Variants in TSPAN9 observed in about 807,000 individuals in gnomAD.
The protein encoded by TSPAN9 is tetraspanin 9.
A neutral mutation model predicts 31.0 loss-of-function variants in TSPAN9; 16 were observed. The observed-to-expected ratio is 0.52, with a 90% confidence interval of 0.35 to 0.78. The LOEUF is 0.78. Among genes scored for constraint, TSPAN9 ranks in the 30% least tolerant of loss-of-function variants. The pLI is 0.01. For synonymous variants in TSPAN9, 145 were observed against 121.6 expected, an observed-to-expected ratio of 1.19 and a Z score of -1.27; for missense variants, 272 against 312.5, an observed-to-expected ratio of 0.87 and a Z score of 0.98.
chr12:3,132,678 G>A (rs1470629100), intron 2 of TSPAN9, among the ~76,000 whole-genome samples: 1 of 152,182 alleles, frequency 6.6e-6, no homozygotes, highest in Non-Finnish European at 1.5e-5. Context: ...GCTAGGTTGG[G>A]CGAAGCCTGG....
chr12:3,226,764 A>T (rs1339481298), intron 3 of TSPAN9, among the ~76,000 whole-genome samples: 15 of 1,470 alleles, frequency 0.01, no homozygotes, highest in South Asian at 0.038. Context: ...ATATATATAT[A>T]TATATATATA....
chr12:3,226,761 TATATATATATATATATATATATATA>T (rs1565622477), intron 3 of TSPAN9, among the ~76,000 whole-genome samples: 49 of 1,780 alleles, frequency 0.028, 11 homozygotes, highest in Non-Finnish European at 0.051. Flanking sequence ...TATATATATA[TATATATATATATATATATATATATA>T]TATATATATT....
intron 3 of TSPAN9, among the ~76,000 whole-genome samples, chr12:3,240,737 A>G (rs2098396162): frequency 6.6e-6 from 1 of 152,174 alleles, no homozygotes; most frequent in Non-Finnish European, 1.5e-5. Context: ...GTTAAATACG[A>G]GCATAATATG....
At chr12:3,281,962 G>A (rs570766959) in intron 8 of TSPAN9, 145 bp downstream of exon 8, 2 of 922,954 alleles carry the variant, frequency 2.2e-6, no homozygotes, top group Admixed American at 2.0e-5. Context: ...AGCTGTGCCT[G>A]CCACCGTTTC....
chr12:3,246,960 G>A (rs1862143734), intron 3 of TSPAN9, among the ~76,000 whole-genome samples: 1 of 152,138 alleles, frequency 6.6e-6, no homozygotes, highest in Admixed American at 6.5e-5. Context: ...TAGATTTTCT[G>A]CAATGTGCTT....
chr12:3,230,806 G>A (rs759653986), intron 3 of TSPAN9, among the ~76,000 whole-genome samples: 8 of 152,198 alleles, frequency 5.3e-5, no homozygotes, highest in East Asian at 3.9e-4. Flanking sequence ...CAGTTCCCCC[G>A]AGGAGATATC....
intron 2 of TSPAN9, among the ~76,000 whole-genome samples, chr12:3,175,010 G>A (rs1398495188): frequency 7.9e-5 from 12 of 152,188 alleles, no homozygotes; most frequent in Admixed American, 7.2e-4. Context: ...CTGAGGAGGT[G>A]GCCAGGTGAA....
At chr12:3,216,662 T>C (rs374429140) in intron 3 of TSPAN9, among the ~76,000 whole-genome samples, 4 of 152,350 alleles carry the variant, frequency 2.6e-5, no homozygotes, top group East Asian at 1.9e-4. Context: ...CTAATGGGCC[T>C]GGAAGCCCGT....
Position 3,280,276 on chromosome 12 carries a change from C to T in TSPAN9, c.331-106C>T, listed in dbSNP as rs1019194862. 3.0e-6 allele frequency: 3 copies of T among 1,015,936 alleles called. No individual in the cohort carries two copies. Among genetic ancestry groups the T allele is most frequent in the African/African-American group, 3.2e-5 (2 of 63,168 alleles). The allele number at this position is 1,015,936 out of a possible 1,614,324, so 62.9% of individuals were successfully genotyped here. On this transcript the variant is annotated intron_variant, in intron 5 of 8. Coordinates refer to ENST00000011898, the MANE Select transcript of TSPAN9 (RefSeq NM_006675.5). This position sits in a 1 kb window ranked among gnomAD's most constrained non-coding sequence, Gnocchi z 4.5. ...CCAGACCAGCTGCCTTCCCTGCCTT[C>T]CTCACTCCTCATCTGTCACCCACCA...
intron 2 of TSPAN9, among the ~76,000 whole-genome samples, chr12:3,135,150 G>T (rs144037110): frequency 6.6e-6 from 1 of 152,076 alleles, no homozygotes; most frequent in Non-Finnish European, 1.5e-5. Context: ...TGTCACGATC[G>T]GAGCTCACTG....
chr12:3,262,928 C>A (rs1005482324), intron 3 of TSPAN9, among the ~76,000 whole-genome samples: 1 of 152,160 alleles, frequency 6.6e-6, no homozygotes, highest in Non-Finnish European at 1.5e-5. Context: ...GTCGCATCTC[C>A]GAGCCTCGGT....
chr12:3,078,261 C>T (rs534497098), intron 1 of TSPAN9, among the ~76,000 whole-genome samples: 1 of 152,272 alleles, frequency 6.6e-6, no homozygotes, highest in South Asian at 2.1e-4. Flanking sequence ...CCTGCCTTAC[C>T]TGGTAACTCT....
intron 3 of TSPAN9, among the ~76,000 whole-genome samples, chr12:3,262,528 A>G (rs952322347): frequency 1.3e-5 from 2 of 151,348 alleles, no homozygotes; most frequent in Admixed American, 6.6e-5. Flanking sequence ...CCAGCTCACT[A>G]TTTATCACAT....
At chr12:3,088,462 G>GCTC (rs1378879904) in intron 2 of TSPAN9, among the ~76,000 whole-genome samples, 1 of 152,206 alleles carries the variant, frequency 6.6e-6, no homozygotes, top group African/African-American at 2.4e-5. Flanking sequence ...TGGGGGGGAA[G>GCTC]CTCCAGGCCT....
intron 3 of TSPAN9, among the ~76,000 whole-genome samples, chr12:3,274,900 G>T (rs963722686): frequency 7.2e-5 from 11 of 152,368 alleles, no homozygotes; most frequent in African/African-American, 2.4e-4. Flanking sequence ...GGCAGGAACA[G>T]GTTTGAGGGC....
At chr12:3,096,039 C>G (rs564776400) in intron 2 of TSPAN9, among the ~76,000 whole-genome samples, 424 of 143,648 alleles carry the variant, frequency 3.0e-3, no homozygotes, top group Non-Finnish European at 4.8e-3. Flanking sequence ...CAGCCGCTGC[C>G]TCCCGGGCGG....
At chr12:3,244,641 G>T (rs138151101) in intron 3 of TSPAN9, among the ~76,000 whole-genome samples, 2,691 of 152,290 alleles carry the variant, frequency 0.018, 32 homozygotes, top group Non-Finnish European at 0.029. Context: ...GTAGCAGCAG[G>T]TCCCACCAGA....
At chr12:3,246,614 C>T (rs905520643) in intron 3 of TSPAN9, among the ~76,000 whole-genome samples, 6 of 152,218 alleles carry the variant, frequency 3.9e-5, no homozygotes, top group African/African-American at 1.2e-4. Flanking sequence ...CCAATTGTTC[C>T]AAACCCGTGT....
chr12:3,280,859 G>A lies in TSPAN9; in HGVS notation c.433-339G>A, dbSNP rs943559093. Among the ~76,000 whole-genome samples, 1 of 151,282 alleles carries A rather than the reference G, an allele frequency of 6.6e-6. No homozygotes were observed. Among genetic ancestry groups the A allele is most frequent in the Non-Finnish European group, 1.5e-5 (1 of 67,746 alleles). The stretch of plus-strand genomic sequence containing the variant: ...GCTCCCATTTTAAGCCCTGGGGAGG[G>A]GCCGGCAGGGGGTTGGGTGGCAGTC... On this transcript the variant is annotated intron_variant, in intron 6 of 8. Transcript: ENST00000011898. The surrounding 1 kb of genome is among the most constrained non-coding windows in gnomAD (Gnocchi z 4.5).
Sources: allele counts gnomAD v4.1 joint callset (sites outside exome capture counted in the v4.1 genomes callset), GRCh38; gene constraint gnomAD v4.1.1; non-coding constraint Gnocchi (gnomAD v3.1); transcripts MANE v1.5; gene names NCBI Gene and HGNC (gene_info 2026-07-23, HGNC 2026-07-21).